Variants in SPAG9 observed in about 807,000 individuals in gnomAD.
SPAG9 encodes sperm associated antigen 9.
In SPAG9, 35 loss-of-function variants were observed where a neutral mutation model predicts 166.5. The ratio of observed to expected loss-of-function variants is 0.21; its 90% CI spans 0.16 to 0.28. The LOEUF is 0.28. Among genes scored for constraint, SPAG9 ranks in the 10% least tolerant of loss-of-function variants. SPAG9 has a pLI of 1.00. For missense variants in SPAG9, 1,235 were observed against 1,603.3 expected, an observed-to-expected ratio of 0.77 and a Z score of 3.92; for synonymous variants, 534 against 565.5, an observed-to-expected ratio of 0.94 and a Z score of 0.79.
intron 1 of SPAG9, among the ~76,000 whole-genome samples, chr17:51,104,017 A>G (rs2048874371): frequency 2.0e-5 from 3 of 152,192 alleles, no homozygotes. Flanking sequence ...GATTCCAGCA[A>G]TATTTAAAAG....
chr17:51,041,730 G>C (rs760331548), intron 4 of SPAG9, 79 bp from the exon 5 acceptor site: 198 of 1,318,836 alleles, frequency 1.5e-4, no homozygotes, highest in Middle Eastern at 1.2e-3. Flanking sequence ...TAATAAGCCT[G>C]GACTGCCACT....
rs1597863080 is a variant in SPAG9 at position 50,966,021 on chromosome 17, T to C, written c.*251A>G. The C allele has an allele frequency of 1.0e-5, 4 of 395,962 alleles. No homozygotes were observed. In the East Asian group the frequency reaches 1.7e-4, roughly 17 times the overall value. The allele number at this position is 395,962 out of a possible 1,614,324, so 24.5% of individuals were successfully genotyped here. A position where few individuals can be genotyped will look rare whatever the true frequency, so the allele number is the denominator to read the frequency against. On this transcript the variant is annotated 3_prime_UTR_variant, in exon 30 of 30. Transcript: ENST00000262013. ...GATTGCTTTCTATAATTCACCAGTT[T>C]GCAGGAAGTAAACATTCTTTGATTT... is the stretch of plus-strand genomic sequence containing the variant.
chr17:51,026,352 G>GGAGA (rs1415289152), intron 6 of SPAG9, among the ~76,000 whole-genome samples: 4 of 149,946 alleles, frequency 2.7e-5, no homozygotes, highest in African/African-American at 9.8e-5. Context: ...AAAATAACCA[G>GGAGA]GAGAGAGCTG....
rs979906189 is a variant in SPAG9, at chr17:50,964,071, C to T, written c.*2201G>A. On this transcript the variant is annotated 3_prime_UTR_variant, in exon 30 of 30. Coordinates refer to ENST00000262013, the MANE Select transcript of SPAG9 (RefSeq NM_001130528.3). ...CCTCTGGCTCATGAAATCCCATGTA[C>T]TTCACAATCTAGCCTAATCGTGTAT... 1 of 152,172 alleles carries T rather than the reference C, an allele frequency of 6.6e-6. No individual in the cohort carries two copies. Among genetic ancestry groups the T allele is most frequent in the Admixed American group, 6.5e-5 (1 of 15,280 alleles). The allele number at this position is 152,172 out of a possible 1,614,324, so 9.4% of individuals were successfully genotyped here.
intron 2 of SPAG9, among the ~76,000 whole-genome samples, chr17:51,065,049 G>C (rs1264350192): frequency 6.6e-6 from 1 of 152,022 alleles, no homozygotes; most frequent in East Asian, 1.9e-4. Flanking sequence ...CTTGAATCTG[G>C]GAGGCGAAGG....
intron 24 of SPAG9, among the ~76,000 whole-genome samples, chr17:50,984,427 C>T (rs903705901): frequency 4.6e-5 from 7 of 152,228 alleles, no homozygotes; most frequent in African/African-American, 1.7e-4. Context: ...TGGCTCACGC[C>T]TGTAATCCCA....
intron 2 of SPAG9, among the ~76,000 whole-genome samples, chr17:51,072,351 C>T (rs1210673575): frequency 2.7e-5 from 4 of 149,110 alleles, no homozygotes; most frequent in African/African-American, 4.9e-5. Context: ...GGATTACAGG[C>T]GTGAGCCACC....
chr17:51,077,089 G>GCTAT (rs113464929), intron 2 of SPAG9, among the ~76,000 whole-genome samples: 1 of 67,328 alleles, frequency 1.5e-5, no homozygotes, highest in African/African-American at 4.2e-5. Context: ...TATCTAGCTA[G>GCTAT]CTATCTATCT....
chr17:50,964,619 G>T lies in SPAG9; in HGVS notation c.*1653C>A. The T allele has an allele frequency of 3.3e-6, 1 of 298,840 alleles. No individual in the cohort carries two copies. The allele number at this position is 298,840 out of a possible 1,614,324, so 18.5% of individuals were successfully genotyped here. A position where few individuals can be genotyped will look rare whatever the true frequency, so the allele number is the denominator to read the frequency against. On this transcript the variant is annotated 3_prime_UTR_variant, in exon 30 of 30. Transcript: ENST00000262013. ...AAAAAAAAAAATCATATTTAGCTTT[G>T]CCTAGAGTAATAGATAAAAAAGGGT...
In SPAG9 at chr17:51,021,234, T is replaced by A; in HGVS notation, c.915A>T (p.Thr305=). Reference sequence around the variant, plus strand: ...TTATCTCTGATTTATTTGGCGCATCTGTAACCTTCACAAATCCTTCGTTTT... The same window carrying A: ...TTATCTCTGATTTATTTGGCGCATCAGTAACCTTCACAAATCCTTCGTTTT... ...KEENEGFVKV[T]DAPNKSEISK... The change falls in exon 7 of 30, where the codon ACA becomes ACT. Residue 305 remains threonine, a synonymous_variant. Coordinates refer to ENST00000262013, the MANE Select transcript of SPAG9 (RefSeq NM_001130528.3). 6.2e-7 allele frequency: 1 copy of A among 1,614,150 alleles called. No individual in the cohort carries two copies. Among genetic ancestry groups the A allele is most frequent in the South Asian group, 1.1e-5 (1 of 91,084 alleles).
chr17:51,050,599 CT>C (rs1434336224), intron 3 of SPAG9, among the ~76,000 whole-genome samples: 1 of 152,092 alleles, frequency 6.6e-6, no homozygotes, highest in Non-Finnish European at 1.5e-5. Flanking sequence ...ATCCCATACC[CT>C]AAAGCATTTC....
intron 1 of SPAG9, among the ~76,000 whole-genome samples, chr17:51,097,649 T>C (rs1011788972): frequency 5.9e-5 from 9 of 152,160 alleles, no homozygotes; most frequent in Non-Finnish European, 7.3e-5. Flanking sequence ...GCATAAGTGT[T>C]GTCGGTAGTC....
At chr17:51,058,511 A>C (rs889946308) in intron 2 of SPAG9, among the ~76,000 whole-genome samples, 1 of 152,224 alleles carries the variant, frequency 6.6e-6, no homozygotes, top group African/African-American at 2.4e-5. Context: ...TTACCATGCT[A>C]TACTGCTTCT....
intron 25 of SPAG9, among the ~76,000 whole-genome samples, chr17:50,981,256 T>C (rs1239306058): frequency 6.6e-6 from 1 of 152,114 alleles, no homozygotes; most frequent in Non-Finnish European, 1.5e-5. Flanking sequence ...AAATTTTATG[T>C]TTAGACTTTG....
intron 4 of SPAG9, among the ~76,000 whole-genome samples, chr17:51,045,150 A>G (rs1223823311): frequency 6.6e-6 from 1 of 152,194 alleles, no homozygotes; most frequent in East Asian, 1.9e-4. Flanking sequence ...GCCACGTGCA[A>G]TAGAGCATTT....
At chr17:51,027,748 A>C (rs987945691) in intron 6 of SPAG9, among the ~76,000 whole-genome samples, 8 of 152,250 alleles carry the variant, frequency 5.3e-5, no homozygotes, top group Admixed American at 3.9e-4. Context: ...ATACTTGATA[A>C]TGATAAACAA....
At chr17:51,092,216 G>A (rs1365876526) in intron 1 of SPAG9, among the ~76,000 whole-genome samples, 3 of 151,952 alleles carry the variant, frequency 2.0e-5, no homozygotes, top group Non-Finnish European at 4.4e-5. Flanking sequence ...AATAAGACAG[G>A]ATTGAAGACC....
In SPAG9 at chr17:50,962,326, A is replaced by T. The variant is rs997629732; in HGVS notation, c.*3946T>A. ...GAAGCTCAGCCTCTAAGAGACAGCAAGTGGGACATTCTAGAACCCATTTTT... is the reference window on the plus strand; with the variant it reads ...GAAGCTCAGCCTCTAAGAGACAGCATGTGGGACATTCTAGAACCCATTTTT... On this transcript the variant is annotated 3_prime_UTR_variant, in exon 30 of 30. Transcript: ENST00000262013. 1.3e-5 allele frequency: 2 copies of T among 152,240 alleles called. No individual in the cohort carries two copies. Among genetic ancestry groups the T allele is most frequent in the Non-Finnish European group, 2.9e-5 (2 of 68,048 alleles). The allele number at this position is 152,240 out of a possible 1,614,324, so 9.4% of individuals were successfully genotyped here. A position where few individuals can be genotyped will look rare whatever the true frequency, so the allele number is the denominator to read the frequency against.
chr17:51,065,500 T>C (rs2047638137), intron 2 of SPAG9, among the ~76,000 whole-genome samples: 1 of 152,198 alleles, frequency 6.6e-6, no homozygotes. Flanking sequence ...TTCATTAAAA[T>C]GTCCTTCTCT....
Sources: gnomAD v4.1 joint callset for allele counts (sites outside exome capture counted in the v4.1 genomes callset) on GRCh38, gnomAD v4.1.1 for gene constraint, MANE v1.5 for transcripts, NCBI Gene and HGNC (gene_info 2026-07-23, HGNC 2026-07-21) for gene names.